Variants in FOXN3 observed in about 807,000 individuals in gnomAD.
The protein encoded by FOXN3 is forkhead box N3.
A neutral mutation model predicts 38.4 loss-of-function variants in FOXN3; 7 were observed. The observed-to-expected ratio is 0.18, with a 90% CI of 0.10 to 0.34. FOXN3 has a LOEUF of 0.34. Ranked by LOEUF, FOXN3 falls within the 10% of genes least tolerant of loss-of-function variation. FOXN3 has a pLI of 1.00. For missense variants in FOXN3, 456 were observed against 613.4 expected (o/e 0.74, Z 2.71); for synonymous variants, 230 against 242.2 (o/e 0.95, Z 0.47).
At chr14:89,293,332 T>A (rs1886934479) in intron 3 of FOXN3, among the ~76,000 whole-genome samples, 1 of 152,204 alleles carries the variant, frequency 6.6e-6, no homozygotes, top group African/African-American at 2.4e-5. Flanking sequence ...GGGGCTGCCA[T>A]AACCAAGTGC....
At chr14:89,383,027 G>A (rs1282835748) in intron 2 of FOXN3, among the ~76,000 whole-genome samples, 2 of 105,108 alleles carry the variant, frequency 1.9e-5, no homozygotes, top group African/African-American at 3.6e-5. Flanking sequence ...GTTTTGGGTG[G>A]TGTTTTTTTT....
At chr14:89,459,021 G>A (rs1200716137) in intron 1 of FOXN3, among the ~76,000 whole-genome samples, 1 of 152,198 alleles carries the variant, frequency 6.6e-6, no homozygotes, top group Admixed American at 6.5e-5. Flanking sequence ...AGAAGGCTAA[G>A]CTAATATGTT....
At position 89,311,450 on chromosome 14, in the gene FOXN3, C is replaced by T. The variant is rs149526862; in HGVS notation, c.681-30436G>A. On this transcript the variant is annotated intron_variant, in intron 3 of 5. Coordinates refer to ENST00000557258, the MANE Select transcript of FOXN3 (RefSeq NM_005197.4). Reference sequence around the variant, plus strand: ...TCACGCCATTGCACTCCAGCCTGGGCGACAAGGCGAGACTCGGCCTCAAAA... The same window carrying T: ...TCACGCCATTGCACTCCAGCCTGGGTGACAAGGCGAGACTCGGCCTCAAAA... 4.1e-3 allele frequency among the ~76,000 whole-genome samples: 432 copies of T among 104,552 alleles called. 5 individuals are homozygous for T. The highest frequency in any genetic ancestry group is 0.03 in the Middle Eastern group (3 of 100). The allele number at this position is 104,552 out of a possible 152,430, so 68.6% of individuals were successfully genotyped here.
intron 2 of FOXN3, among the ~76,000 whole-genome samples, chr14:89,407,865 C>G (rs1012714818): frequency 2.0e-5 from 3 of 151,962 alleles, no homozygotes; most frequent in African/African-American, 7.3e-5. Flanking sequence ...TCAGAAACAG[C>G]GACAACAAAA....
chr14:89,614,714 G>A (rs1896458527), intron 1 of FOXN3, among the ~76,000 whole-genome samples: 1 of 152,170 alleles, frequency 6.6e-6, no homozygotes. Context: ...GCAGGCTCTG[G>A]GCTCCTAGTT....
upstream of FOXN3, among the ~76,000 whole-genome samples, chr14:89,418,413 C>CA (rs760346465): frequency 9.2e-3 from 357 of 38,722 alleles, 8 homozygotes; most frequent in African/African-American, 0.051. Context: ...AAAAAATAGA[C>CA]CCCCCCCCCC....
intron 4 of FOXN3, among the ~76,000 whole-genome samples, chr14:89,198,250 A>G (rs918674354): frequency 1.1e-4 from 16 of 152,216 alleles, no homozygotes; most frequent in African/African-American, 3.6e-4. Flanking sequence ...TTTACATAGT[A>G]TTTACATTGT....
intron 1 of FOXN3, among the ~76,000 whole-genome samples, chr14:89,413,766 G>C (rs1417793730): frequency 7.1e-6 from 1 of 140,418 alleles, no homozygotes; most frequent in Non-Finnish European, 1.5e-5. Context: ...AGAAGGGAAA[G>C]AAGAAGGAAA....
intron 3 of FOXN3, among the ~76,000 whole-genome samples, chr14:89,329,330 G>A (rs1377943908): frequency 6.6e-6 from 1 of 152,120 alleles, no homozygotes; most frequent in Non-Finnish European, 1.5e-5. Context: ...AATATCCATG[G>A]AAAAAGTCCT....
At chr14:89,587,867 G>GAAAAAAAAAAAAAAAAA (rs11366681) in intron 1 of FOXN3, among the ~76,000 whole-genome samples, 1 of 64,638 alleles carries the variant, frequency 1.5e-5, no homozygotes, top group Non-Finnish European at 3.0e-5. Flanking sequence ...CTCTGTCTCA[G>GAAAAAAAAAAAAAAAAA]AAAAAAAAAA....
At chr14:89,323,717 G>A (rs59402921) in intron 3 of FOXN3, among the ~76,000 whole-genome samples, 3,767 of 42,870 alleles carry the variant, frequency 0.088, 145 homozygotes, top group African/African-American at 0.23. Context: ...AGACTCCATC[G>A]CAAAACAAAC....
At chr14:89,245,069 T>G (rs796780764) in intron 4 of FOXN3, among the ~76,000 whole-genome samples, 19 of 152,332 alleles carry the variant, frequency 1.2e-4, no homozygotes, top group African/African-American at 4.6e-4. Context: ...TGCTGCTGAA[T>G]GAATTTTATA....
chr14:89,415,578 TA>T (rs1186659156), intron 1 of FOXN3, among the ~76,000 whole-genome samples: 1 of 49,088 alleles, frequency 2.0e-5, no homozygotes, highest in Non-Finnish European at 4.2e-5. Context: ...CAGTTCCATG[TA>T]AAAACAAAAC....
At chr14:89,555,882 G>GTGTGT (rs58769284) in intron 1 of FOXN3, among the ~76,000 whole-genome samples, 13,177 of 104,244 alleles carry the variant, frequency 0.13, 2,146 homozygotes, top group Non-Finnish European at 0.19. Context: ...TGTGTATGTG[G>GTGTGT]GGGTGTATGT....
At chr14:89,557,941 G>C (rs1000914315) in intron 1 of FOXN3, among the ~76,000 whole-genome samples, 1 of 152,158 alleles carries the variant, frequency 6.6e-6, no homozygotes, top group Non-Finnish European at 1.5e-5. Context: ...GGGAAGCGGA[G>C]GTTGCAGTAA....
In FOXN3 at chr14:89,332,928, T is replaced by G. The variant is rs547632558; in HGVS notation, c.680+17744A>C. Among the ~76,000 whole-genome samples, 124 of 152,168 alleles carry G rather than the reference T, an allele frequency of 8.1e-4. 1 individual carries two copies. The highest frequency in any genetic ancestry group is 2.9e-3 in the African/African-American group (121 of 41,504). On this transcript the variant is annotated intron_variant, in intron 3 of 5. Coordinates refer to ENST00000557258, the MANE Select transcript of FOXN3 (RefSeq NM_005197.4). ...TTTAAAAATGGGTAAAGAACCTGAA[T>G]AAACATTTTTCTAAAGAAGACACAC...
Position 89,500,445 on chromosome 14 carries a change from CT to C in FOXN3, c.-14-87956del, listed in dbSNP as rs570704584. On this transcript the variant is annotated intron_variant, in intron 1 of 6. Transcript: ENST00000345097. ...CAGTGGGCATCTGGCATGATAGAGACTGATGACATCAGCCTTATTCAATAGG... is the reference window on the plus strand; with the variant it reads ...CAGTGGGCATCTGGCATGATAGAGACGATGACATCAGCCTTATTCAATAGG... Among the ~76,000 whole-genome samples the C allele has an allele frequency of 7.5e-3, 1,140 of 152,334 alleles. 5 individuals are homozygous for C. Among genetic ancestry groups the C allele is most frequent in the South Asian group, 0.013 (62 of 4,824 alleles).
intron 3 of FOXN3, among the ~76,000 whole-genome samples, chr14:89,308,779 G>A (rs572256009): frequency 1.3e-5 from 2 of 152,328 alleles, no homozygotes; most frequent in South Asian, 4.1e-4. Flanking sequence ...GCTGCTAGGA[G>A]GCCAGAAAGC....
At chr14:89,170,750 A>T (rs1466526265) in intron 5 of FOXN3, among the ~76,000 whole-genome samples, 3 of 152,246 alleles carry the variant, frequency 2.0e-5, no homozygotes, top group South Asian at 2.1e-4. Context: ...TTTAGTGTGG[A>T]AATTCAAAAA....
Sources: gnomAD v4.1 joint callset for allele counts (sites outside exome capture counted in the v4.1 genomes callset) on GRCh38, gnomAD v4.1.1 for gene constraint, MANE v1.5 for transcripts, NCBI Gene and HGNC (gene_info 2026-07-23, HGNC 2026-07-21) for gene names.